ADGRD1: variants seen among roughly 807,000 people sequenced by gnomAD.
ADGRD1 encodes the protein adhesion G protein-coupled receptor D1.
Under a neutral mutation model 113.4 loss-of-function variants are expected in ADGRD1, and 77 were observed. That is an observed-to-expected ratio of 0.68 (90% CI 0.57 to 0.82). The LOEUF (loss-of-function observed/expected upper bound fraction) is 0.82, where lower values mean the gene tolerates loss of function less well. Ranked by LOEUF, ADGRD1 falls within the 40% of genes least tolerant of loss-of-function variation. The probability of loss-of-function intolerance (pLI) is 0.00; values close to 1 mark genes in which losing one functional copy is unlikely to be tolerated. For missense variants in ADGRD1, 1,036 were observed against 1,139.1 expected (o/e 0.91, Z 1.30); for synonymous variants, 474 against 475.0 (o/e 1.00, Z 0.03).
chr12:131,062,550 G>T (rs1204828190), intron 13 of ADGRD1, among the ~76,000 whole-genome samples: 1 of 152,104 alleles, frequency 6.6e-6, no homozygotes, highest in Non-Finnish European at 1.5e-5. Context: ...TAAATCACGG[G>T]AGCACTTTCC....
chr12:131,117,676 A>G (rs1429373798), intron 18 of ADGRD1, among the ~76,000 whole-genome samples: 3 of 152,228 alleles, frequency 2.0e-5, no homozygotes, highest in Non-Finnish European at 2.9e-5. Flanking sequence ...CACATGCCTC[A>G]GAGCCAGGAA....
chr12:130,972,583 CA>C (rs1262674820), intron 4 of ADGRD1, among the ~76,000 whole-genome samples: 1 of 152,078 alleles, frequency 6.6e-6, no homozygotes, highest in Non-Finnish European at 1.5e-5. Flanking sequence ...TGAGTTCAAG[CA>C]GCTCCATAAA....
intron 14 of ADGRD1, among the ~76,000 whole-genome samples, chr12:131,079,619 G>T (rs997636392): frequency 6.6e-6 from 1 of 152,240 alleles, no homozygotes; most frequent in Middle Eastern, 3.4e-3. Flanking sequence ...TTTCAATGTT[G>T]GCAGGTTTTC....
At chr12:131,093,879 T>C (rs1887080410) in intron 15 of ADGRD1, among the ~76,000 whole-genome samples, 2 of 152,256 alleles carry the variant, frequency 1.3e-5, no homozygotes, top group South Asian at 4.1e-4. Flanking sequence ...GACCCTTTCC[T>C]TGTGGAGCTG....
intron 4 of ADGRD1, among the ~76,000 whole-genome samples, chr12:130,979,815 TCTCACACACACACACACACACACA>T (rs1247656108): frequency 7.2e-6 from 1 of 139,746 alleles, no homozygotes; most frequent in Non-Finnish European, 1.5e-5. Flanking sequence ...GCAGCTAGTG[TCTCACACACACACACACACACACA>T]CACACACACA....
At chr12:131,088,176 C>T (rs1018775620) in intron 15 of ADGRD1, among the ~76,000 whole-genome samples, 1 of 151,830 alleles carries the variant, frequency 6.6e-6, no homozygotes, top group African/African-American at 2.4e-5. Flanking sequence ...CAAGGCTGCT[C>T]GTCTTACCAG....
chr12:131,123,991 A>C (rs1387506386), intron 20 of ADGRD1, among the ~76,000 whole-genome samples: 1 of 152,222 alleles, frequency 6.6e-6, no homozygotes, highest in Non-Finnish European at 1.5e-5. Flanking sequence ...TGAGCCGAAT[A>C]GTTGCAACAA....
rs1880078503 is a variant in ADGRD1, at chr12:131,027,315, T to TGC, written c.1473+12976_1473+12977dup. On this transcript the variant is annotated intron_variant, in intron 13 of 24. Transcript: ENST00000261654. This position sits in a 1 kb window ranked among gnomAD's most constrained non-coding sequence, Gnocchi z 5.1. Reference sequence around the variant, plus strand: ...GGGCTTCTCTAGGTGTGTGTGTGTGTGCACACAATTTTATATAAATGGGGT... The same window carrying TGC: ...GGGCTTCTCTAGGTGTGTGTGTGTGTGCGCACACAATTTTATATAAATGGGGT... The TGC allele has an allele frequency of 6.6e-6, 1 of 152,160 alleles. No homozygotes were observed. The highest frequency in any genetic ancestry group is 1.5e-5 in the Non-Finnish European group (1 of 68,004). 9.4% of individuals were successfully genotyped at this position (152,160 alleles called of 1,614,324 possible). A position where few individuals can be genotyped will look rare whatever the true frequency, so the allele number is the denominator to read the frequency against.
intron 9 of ADGRD1, chr12:131,002,749 C>T (rs768231660): frequency 1.6e-6 from 2 of 1,257,850 alleles, no homozygotes; most frequent in African/African-American, 3.2e-5. Context: ...AAGCAGCCAC[C>T]CTTCATGGAG....
Position 131,067,696 on chromosome 12 carries a change from T to A in ADGRD1, c.1474-9105T>A, listed in dbSNP as rs556005298. 3.9e-3 allele frequency among the ~76,000 whole-genome samples: 356 copies of A among 92,186 alleles called. 4 individuals are homozygous for A. Among genetic ancestry groups the A allele is most frequent in the Middle Eastern group, 6.3e-3 (1 of 158 alleles). The allele number at this position is 92,186 out of a possible 152,430, so 60.5% of individuals were successfully genotyped here. On this transcript the variant is annotated intron_variant, in intron 13 of 24. Coordinates refer to ENST00000261654, the MANE Select transcript of ADGRD1 (RefSeq NM_198827.5). ...TGATCGCTGTGCCCCTGATCCTTCTTCTGAGCAGGGGCTGCCCTCTGCCTC... is the reference window on the plus strand; with the variant it reads ...TGATCGCTGTGCCCCTGATCCTTCTACTGAGCAGGGGCTGCCCTCTGCCTC...
chr12:131,085,612 G>C (rs1055777509), intron 15 of ADGRD1, among the ~76,000 whole-genome samples: 2 of 152,184 alleles, frequency 1.3e-5, no homozygotes, highest in Non-Finnish European at 2.9e-5. Context: ...AGGTGTTGCT[G>C]CTGACACTGC....
At chr12:131,018,662 T>C (rs1170726468) in intron 13 of ADGRD1, among the ~76,000 whole-genome samples, 4 of 152,214 alleles carry the variant, frequency 2.6e-5, no homozygotes, top group Admixed American at 2.6e-4. Context: ...ACCTCCCTGA[T>C]ATGGAGGGTT....
intron 20 of ADGRD1, among the ~76,000 whole-genome samples, chr12:131,123,038 A>AGTTTTTTTTT (rs1950637893): frequency 2.8e-5 from 1 of 35,376 alleles, no homozygotes; most frequent in African/African-American, 9.7e-5. Flanking sequence ...TTACCTGGGG[A>AGTTTTTTTTT]GTTTTTTTTT....
chr12:131,087,037 C>G lies in ADGRD1; in HGVS notation c.1671+2374C>G, dbSNP rs11061319. On this transcript the variant is annotated intron_variant, in intron 15 of 24. Coordinates refer to ENST00000261654, the MANE Select transcript of ADGRD1 (RefSeq NM_198827.5). ...CCTCCCACCTCAGCCTCCCAAGTAG[C>G]TGGGACTACAGGCACATGCCACAAC... 8.2e-3 allele frequency among the ~76,000 whole-genome samples: 1,247 copies of G among 152,284 alleles called. 5 individuals carry two copies. Among genetic ancestry groups the G allele is most frequent in the Non-Finnish European group, 0.013 (860 of 68,032 alleles).
intron 20 of ADGRD1, 33 bp from the exon 21 acceptor site, chr12:131,131,692 C>G: frequency 6.9e-7 from 1 of 1,440,258 alleles, no homozygotes; most frequent in Non-Finnish European, 9.8e-7. Flanking sequence ...CAGCCCAGGC[C>G]CCCCTCACCT....
intron 13 of ADGRD1, among the ~76,000 whole-genome samples, chr12:131,038,555 G>C (rs1441773556): frequency 6.6e-6 from 1 of 152,268 alleles, no homozygotes; most frequent in Non-Finnish European, 1.5e-5. Context: ...TCGGGGGGCA[G>C]ACATGGCAAG....
intron 12 of ADGRD1, among the ~76,000 whole-genome samples, chr12:131,009,749 G>T (rs1485842450): frequency 6.6e-6 from 1 of 152,170 alleles, no homozygotes; most frequent in Non-Finnish European, 1.5e-5. Flanking sequence ...CTGTGGGCAT[G>T]CAAATGCGCG....
intron 13 of ADGRD1, among the ~76,000 whole-genome samples, chr12:131,066,433 TC>T (rs1199260925): frequency 1.3e-5 from 2 of 152,136 alleles, no homozygotes; most frequent in Non-Finnish European, 2.9e-5. Context: ...GTCCGTTCAC[TC>T]CCAGCAGGGA....
Position 131,003,356 on chromosome 12 carries a change from G to GAAACGCAGCCT in ADGRD1, c.1144+54_1144+55insAAACGCAGCCT. On this transcript the variant is annotated intron_variant, in intron 10 of 24. Transcript: ENST00000261654. This position sits in a 1 kb window ranked among gnomAD's most constrained non-coding sequence, Gnocchi z 4.8. ...ATGGCAGGGGCGGGGGCTGGAGGCTGCGTTTCACTGCCTGTCTTTTTACAC... is the reference window on the plus strand; with the variant it reads ...ATGGCAGGGGCGGGGGCTGGAGGCTGAAACGCAGCCTCGTTTCACTGCCTGTCTTTTTACAC... 8.6e-7 allele frequency: 1 copy of GAAACGCAGCCT among 1,168,248 alleles called. No homozygotes were observed. Among genetic ancestry groups the GAAACGCAGCCT allele is most frequent in the Non-Finnish European group, 1.3e-6 (1 of 780,718 alleles). 72.4% of individuals were successfully genotyped at this position (1,168,248 alleles called of 1,614,324 possible). A position where few individuals can be genotyped will look rare whatever the true frequency, so the allele number is the denominator to read the frequency against.
Sources: allele counts gnomAD v4.1 joint callset (sites outside exome capture counted in the v4.1 genomes callset), GRCh38; gene constraint gnomAD v4.1.1; non-coding constraint Gnocchi (gnomAD v3.1); transcripts MANE v1.5; gene names NCBI Gene and HGNC (gene_info 2026-07-23, HGNC 2026-07-21).